Variants in DNAJC5B observed in about 807,000 individuals in gnomAD.
DNAJC5B encodes DnaJ heat shock protein family (Hsp40) member C5 beta.
Under a neutral mutation model 24.7 loss-of-function variants are expected in DNAJC5B, and 23 were observed. The observed-to-expected ratio is 0.93, with a 90% CI of 0.67 to 1.32. The LOEUF (loss-of-function observed/expected upper bound fraction) is 1.32, where lower values mean the gene tolerates loss of function less well. DNAJC5B is among the 40% of genes most tolerant of loss of function. The pLI, the probability that DNAJC5B is intolerant of heterozygous loss-of-function variation, is 0.00. For synonymous variants in DNAJC5B, 101 were observed against 90.1 expected (o/e 1.12, Z -0.68); for missense variants, 238 against 240.8 (o/e 0.99, Z 0.08).
intron 3 of DNAJC5B, among the ~76,000 whole-genome samples, chr8:66,066,712 G>T (rs1340094723): frequency 6.6e-6 from 1 of 152,076 alleles, no homozygotes; most frequent in Non-Finnish European, 1.5e-5. Context: ...AGGGACTTCG[G>T]AGACTCAGAA....
chr8:66,021,425 A>C (rs1034840046), upstream of DNAJC5B: 1 of 152,238 alleles, frequency 6.6e-6, no homozygotes, highest in Non-Finnish European at 1.5e-5. Context: ...ACCTCCCACC[A>C]TGGGCAGGAG....
At chr8:66,078,057 G>A (rs964693540) in intron 4 of DNAJC5B, among the ~76,000 whole-genome samples, 2 of 151,974 alleles carry the variant, frequency 1.3e-5, no homozygotes, top group African/African-American at 2.4e-5. Context: ...CTCTGGGCGT[G>A]ACACTCTTTC....
Position 66,100,797 on chromosome 8 carries a change from A to G in DNAJC5B, c.*766A>G, listed in dbSNP as rs1365483412. Among the ~76,000 whole-genome samples, 4 of 150,100 alleles carry G rather than the reference A, an allele frequency of 2.7e-5. No homozygotes were observed. Among genetic ancestry groups the G allele is most frequent in the East Asian group, 1.9e-4 (1 of 5,176 alleles). ...TGGCTCAGATTAGCCAGACTAAGGG[A>G]AAAAAAACAGATGAAGGGGTAGAAC... On this transcript the variant is annotated 3_prime_UTR_variant, in exon 6 of 6. Coordinates refer to ENST00000276570, the MANE Select transcript of DNAJC5B (RefSeq NM_033105.6).
Position 66,080,441 on chromosome 8 carries a change from G to A in DNAJC5B, c.398G>A (p.Cys133Tyr). The A allele has an allele frequency of 6.2e-7, 1 of 1,614,104 alleles. No individual in the cohort carries two copies. Among genetic ancestry groups the A allele is most frequent in the Non-Finnish European group, 8.5e-7 (1 of 1,180,014 alleles). Residue 133 changes from cysteine to tyrosine, a missense_variant, in exon 5 of 6, where the codon TGC (cysteine) becomes TAC (tyrosine). Physicochemically the swap from Cys to Tyr is radical, Grantham distance 194. Transcript: ENST00000276570. ...CYFCCCLCCC[C>Y]NCCCGHCRPE... Reference sequence around the variant, plus strand: ...TTTTGCTGCTGCCTGTGCTGCTGCTGCAACTGCTGCTGTGGACACTGCCGG... The same window carrying A: ...TTTTGCTGCTGCCTGTGCTGCTGCTACAACTGCTGCTGTGGACACTGCCGG...
intron 4 of DNAJC5B, among the ~76,000 whole-genome samples, chr8:66,079,269 G>C (rs1404304330): frequency 6.6e-6 from 1 of 152,110 alleles, no homozygotes; most frequent in Non-Finnish European, 1.5e-5. Context: ...ACACATACCA[G>C]GTACTAAGTC....
chr8:66,092,170 G>C (rs1392321330), intron 5 of DNAJC5B, among the ~76,000 whole-genome samples: 1 of 152,204 alleles, frequency 6.6e-6, no homozygotes. Flanking sequence ...TTTAAGTTAT[G>C]TGAATCTCAT....
At chr8:66,060,444 T>TACC (rs1206527037) in intron 3 of DNAJC5B, among the ~76,000 whole-genome samples, 3 of 152,230 alleles carry the variant, frequency 2.0e-5, no homozygotes, top group Non-Finnish European at 4.4e-5. Context: ...AGGCCACTGC[T>TACC]ACCAGCTTTC....
intron 5 of DNAJC5B, among the ~76,000 whole-genome samples, chr8:66,084,312 G>A (rs1807670916): frequency 6.6e-6 from 1 of 152,120 alleles, no homozygotes; most frequent in Admixed American, 6.5e-5. Flanking sequence ...TAAAAATCAA[G>A]TGACTCAAGA....
At chr8:66,021,247 G>A (rs1806114070), upstream of DNAJC5B, among the ~76,000 whole-genome samples, 1 of 152,102 alleles carries the variant, frequency 6.6e-6, no homozygotes, top group Non-Finnish European at 1.5e-5. Flanking sequence ...CAAAAAAAAA[G>A]GAGTTAGATG....
At chr8:66,023,893 C>T (rs1806194762) in intron 1 of DNAJC5B, among the ~76,000 whole-genome samples, 1 of 152,144 alleles carries the variant, frequency 6.6e-6, no homozygotes, top group African/African-American at 2.4e-5. Flanking sequence ...CAAGTTTGAG[C>T]CCAGGCAGTC....
At chr8:66,041,058 T>C (rs115645130) in intron 1 of DNAJC5B, among the ~76,000 whole-genome samples, 126 of 152,330 alleles carry the variant, frequency 8.3e-4, no homozygotes, top group African/African-American at 2.8e-3. Flanking sequence ...TTTCATTTTA[T>C]ACAATCAAAG....
intron 1 of DNAJC5B, among the ~76,000 whole-genome samples, chr8:66,034,184 G>GTGTGTGTGTGTGTGTGTT (rs1806428514): frequency 6.6e-6 from 1 of 151,344 alleles, no homozygotes; most frequent in Admixed American, 6.6e-5. Flanking sequence ...TTTTGTGTGT[G>GTGTGTGTGTGTGTGTGTT]TGTGTGTGTG....
At chr8:66,076,971 T>C in intron 4 of DNAJC5B, 98 bp downstream of exon 4, 1 of 1,278,070 alleles carries the variant, frequency 7.8e-7, no homozygotes, top group African/African-American at 1.5e-5. Flanking sequence ...CTTCCTGCTA[T>C]TAAACTCTGG....
intron 5 of DNAJC5B, among the ~76,000 whole-genome samples, chr8:66,088,357 G>A (rs558560164): frequency 6.6e-6 from 1 of 152,278 alleles, no homozygotes; most frequent in South Asian, 2.1e-4. Flanking sequence ...AGGCCTCCAG[G>A]CTTGTGATGG....
intron 5 of DNAJC5B, among the ~76,000 whole-genome samples, chr8:66,099,373 A>G (rs1808024185): frequency 6.6e-6 from 1 of 152,238 alleles, no homozygotes; most frequent in African/African-American, 2.4e-5. Flanking sequence ...TTAGGAGTAG[A>G]TTTAGTGATT....
chr8:66,017,038 T>C (rs543056021), upstream of DNAJC5B, among the ~76,000 whole-genome samples: 5 of 152,240 alleles, frequency 3.3e-5, no homozygotes, highest in African/African-American at 9.6e-5. Context: ...TGTTCCTATA[T>C]ATAACTTTCT....
At chr8:66,086,505 C>A (rs981433238) in intron 5 of DNAJC5B, among the ~76,000 whole-genome samples, 1 of 152,058 alleles carries the variant, frequency 6.6e-6, no homozygotes, top group African/African-American at 2.4e-5. Context: ...TTTGAAGGAA[C>A]TATTAGCTAC....
intron 5 of DNAJC5B, among the ~76,000 whole-genome samples, chr8:66,080,911 A>G (rs1312902475): frequency 2.0e-5 from 3 of 152,172 alleles, no homozygotes; most frequent in Non-Finnish European, 4.4e-5. Flanking sequence ...CAGAAAAAGT[A>G]TTTCAGCCGG....
chr8:66,036,068 G>GA (rs1308964169), intron 1 of DNAJC5B, among the ~76,000 whole-genome samples: 2 of 152,182 alleles, frequency 1.3e-5, no homozygotes, highest in Non-Finnish European at 2.9e-5. Context: ...TTTCAAATTG[G>GA]AAAGTGCATT....
Sources: allele counts gnomAD v4.1 joint callset (sites outside exome capture counted in the v4.1 genomes callset), GRCh38; gene constraint gnomAD v4.1.1; transcripts MANE v1.5; gene names NCBI Gene and HGNC (gene_info 2026-07-23, HGNC 2026-07-21).